MYO1E: variants seen among roughly 807,000 people sequenced by gnomAD.
The protein encoded by MYO1E is unconventional myosin-Ie.
Under a neutral mutation model 151.1 loss-of-function variants are expected in MYO1E, and 68 were observed. The observed-to-expected ratio is 0.45, with a 90% CI of 0.37 to 0.55. The LOEUF (loss-of-function observed/expected upper bound fraction) is 0.55. Among genes scored for constraint, MYO1E ranks in the 20% least tolerant of loss-of-function variants. The probability of loss-of-function intolerance (pLI) is 0.00; values close to 1 mark genes in which losing one functional copy is unlikely to be tolerated. For synonymous variants in MYO1E, 601 were observed against 501.7 expected, an observed-to-expected ratio of 1.20 and a Z score of -2.64; for missense variants, 1,363 against 1,389.3, an observed-to-expected ratio of 0.98 and a Z score of 0.30.
intron 1 of MYO1E, among the ~76,000 whole-genome samples, chr15:59,321,686 G>C (rs1389027335): frequency 6.6e-6 from 1 of 152,158 alleles, no homozygotes; most frequent in East Asian, 1.9e-4. Flanking sequence ...ACTAGAGGCA[G>C]GAGAGAGGGA....
At chr15:59,268,747 A>ATTTTTTTTTT (rs2080272878) in intron 2 of MYO1E, among the ~76,000 whole-genome samples, 1 of 7,134 alleles carries the variant, frequency 1.4e-4, no homozygotes, top group Non-Finnish European at 1.8e-3. Flanking sequence ...TTTTTGCTTC[A>ATTTTTTTTTT]CTGCATGGTA....
intron 12 of MYO1E, among the ~76,000 whole-genome samples, chr15:59,213,463 G>A (rs903659855): frequency 2.1e-5 from 3 of 145,940 alleles, no homozygotes; most frequent in Admixed American, 6.8e-5. Flanking sequence ...GAGCCACTGC[G>A]CCTGGCTATT....
chr15:59,369,607 A>C (rs922914513), intron 1 of MYO1E, among the ~76,000 whole-genome samples: 1 of 152,158 alleles, frequency 6.6e-6, no homozygotes, highest in Non-Finnish European at 1.5e-5. Context: ...AATTATAAAG[A>C]TGTGCAGGGT....
intron 22 of MYO1E, among the ~76,000 whole-genome samples, 196 bp from the exon 23 acceptor site, chr15:59,163,499 A>G (rs1416329496): frequency 1.3e-5 from 2 of 152,356 alleles, no homozygotes; most frequent in Non-Finnish European, 2.9e-5. Context: ...CTGCTTTCAA[A>G]GAAGGTTTAT....
chr15:59,291,524 A>T (rs2080418463), intron 1 of MYO1E, among the ~76,000 whole-genome samples: 1 of 151,916 alleles, frequency 6.6e-6, no homozygotes, highest in South Asian at 2.1e-4. Context: ...TTATTTTTTA[A>T]ATTTAGTGCA....
At chr15:59,241,773 G>A (rs2080101041) in intron 4 of MYO1E, among the ~76,000 whole-genome samples, 1 of 151,788 alleles carries the variant, frequency 6.6e-6, no homozygotes, top group Non-Finnish European at 1.5e-5. Context: ...AAAATAATTA[G>A]CTGGGTGTGG....
At position 59,178,431 on chromosome 15, in the gene MYO1E, G is replaced by A; in HGVS notation, c.2011C>T (p.Leu671=). 1 of 1,614,218 alleles carries A rather than the reference G, an allele frequency of 6.2e-7. No homozygotes were observed. The highest frequency in any genetic ancestry group is 1.3e-5 in the African/African-American group (1 of 75,062). The change falls in exon 19 of 28, where the codon CTG becomes TTG. Residue 671 remains leucine (L), a synonymous_variant. Coordinates refer to ENST00000288235, the MANE Select transcript of MYO1E (RefSeq NM_004998.4). ...SVNMDSDQFQ[L]GRSKVFIKAP... is the part of the protein sequence containing the mutation. ...TTGATGAACACTTTACTCCTCCCCA[G>A]CTGGAACTGGTCGCTGTCCATGTTG...
At chr15:59,310,714 A>G (rs562392170) in intron 1 of MYO1E, among the ~76,000 whole-genome samples, 52 of 152,216 alleles carry the variant, frequency 3.4e-4, no homozygotes, top group African/African-American at 1.3e-3. Flanking sequence ...AGCCCTAGGA[A>G]ATGAATTATA....
At chr15:59,235,340 TG>T (rs1205568171) in intron 5 of MYO1E, among the ~76,000 whole-genome samples, 2 of 152,202 alleles carry the variant, frequency 1.3e-5, no homozygotes, top group African/African-American at 4.8e-5. Context: ...GACAGTTTCT[TG>T]TGTATACTTC....
intron 1 of MYO1E, among the ~76,000 whole-genome samples, chr15:59,372,058 C>CCGGGG (rs1192526771): frequency 1.3e-5 from 2 of 150,508 alleles, no homozygotes; most frequent in Admixed American, 1.3e-4. Flanking sequence ...GCGAGGGTGC[C>CCGGGG]CGGGGCGGGG....
At chr15:59,349,950 T>A (rs534438635) in intron 1 of MYO1E, among the ~76,000 whole-genome samples, 1 of 152,296 alleles carries the variant, frequency 6.6e-6, no homozygotes, top group South Asian at 2.1e-4. Context: ...GGTAACTCTA[T>A]TATTGCCTCT....
At chr15:59,321,456 A>G (rs544306247) in intron 1 of MYO1E, among the ~76,000 whole-genome samples, 1 of 152,376 alleles carries the variant, frequency 6.6e-6, no homozygotes, top group Non-Finnish European at 1.5e-5. Context: ...AGTGAATTGG[A>G]TAAAGGAAAT....
chr15:59,275,881 C>T (rs1301751919), intron 1 of MYO1E, among the ~76,000 whole-genome samples: 2 of 152,182 alleles, frequency 1.3e-5, no homozygotes, highest in Non-Finnish European at 2.9e-5. Context: ...TTTTCTGTTG[C>T]TGGGTAGGGG....
intron 6 of MYO1E, among the ~76,000 whole-genome samples, chr15:59,229,715 ATT>A (rs2080014249): frequency 6.6e-6 from 1 of 152,158 alleles, no homozygotes; most frequent in African/African-American, 2.4e-5. Flanking sequence ...AAATATATAC[ATT>A]CTTATGCTTC....
chr15:59,136,956 G>A lies in MYO1E; in HGVS notation c.*424C>T, dbSNP rs2079376944. ...GTGGCAGAGAGGAATGTGTCTATCA[G>A]GTATGGACAAGAGAGATGAAAGAAA... On this transcript the variant is annotated 3_prime_UTR_variant, in exon 28 of 28. Coordinates refer to ENST00000288235, the MANE Select transcript of MYO1E (RefSeq NM_004998.4). The A allele has an allele frequency of 5.6e-6, 2 of 358,130 alleles. No individual in the cohort carries two copies. Among genetic ancestry groups the A allele is most frequent in the African/African-American group, 2.1e-5 (1 of 46,734 alleles). 22.2% of individuals were successfully genotyped at this position (358,130 alleles called of 1,614,324 possible).
intron 18 of MYO1E, among the ~76,000 whole-genome samples, chr15:59,185,431 C>T (rs1596356426): frequency 6.6e-6 from 1 of 152,208 alleles, no homozygotes; most frequent in African/African-American, 2.4e-5. Flanking sequence ...CTGCACCTGG[C>T]TAATTTTTGT....
Position 59,203,279 on chromosome 15 carries a change from T to C in MYO1E, c.1617-872A>G, listed in dbSNP as rs148127616. On this transcript the variant is annotated intron_variant, in intron 15 of 27. Coordinates refer to ENST00000288235, the MANE Select transcript of MYO1E (RefSeq NM_004998.4). ...TGCTCACCAGATGCCAGTAGCACAC[T>C]GTTCCCAGCTCTACACAGAAAACCC... Among the ~76,000 whole-genome samples the C allele has an allele frequency of 3.5e-3, 532 of 151,530 alleles. 3 individuals carry two copies. Among genetic ancestry groups the C allele is most frequent in the African/African-American group, 0.012 (505 of 41,256 alleles).
intron 18 of MYO1E, among the ~76,000 whole-genome samples, chr15:59,187,124 A>C (rs2079703209): frequency 6.6e-6 from 1 of 152,240 alleles, no homozygotes; most frequent in African/African-American, 2.4e-5. Flanking sequence ...TTCCTGTGGC[A>C]CAATTATCAA....
At chr15:59,204,650 C>T (rs1163713806) in intron 15 of MYO1E, among the ~76,000 whole-genome samples, 2 of 152,054 alleles carry the variant, frequency 1.3e-5, no homozygotes, top group Non-Finnish European at 2.9e-5. Context: ...AGGGGGATAC[C>T]CTCCCTCTTC....
Sources: allele counts gnomAD v4.1 joint callset (sites outside exome capture counted in the v4.1 genomes callset), GRCh38; gene constraint gnomAD v4.1.1; transcripts MANE v1.5; gene names NCBI Gene and HGNC (gene_info 2026-07-23, HGNC 2026-07-21).